Variants in RFTN1 observed in about 807,000 individuals in gnomAD.
The protein encoded by RFTN1 is raftlin, lipid raft linker 1, also known as raftlin.
Under a neutral mutation model 46.5 loss-of-function variants are expected in RFTN1, and 26 were observed. That is an observed-to-expected ratio of 0.56 (90% CI 0.41 to 0.78). The LOEUF is 0.78. Among genes scored for constraint, RFTN1 ranks in the 30% least tolerant of loss-of-function variants. The pLI is 0.00. For synonymous variants in RFTN1, 261 were observed against 284.2 expected (o/e 0.92, Z 0.82); for missense variants, 693 against 718.7 (o/e 0.96, Z 0.41).
chr3:16,405,405 A>C (rs1482561084), intron 4 of RFTN1, among the ~76,000 whole-genome samples: 1 of 152,228 alleles, frequency 6.6e-6, no homozygotes, highest in African/African-American at 2.4e-5. Context: ...GATGGAACAC[A>C]GCAGGACACA....
intron 6 of RFTN1, among the ~76,000 whole-genome samples, chr3:16,363,588 A>T (rs2072963848): frequency 6.6e-6 from 1 of 152,272 alleles, no homozygotes; most frequent in South Asian, 2.1e-4. Flanking sequence ...AAGACTGTCT[A>T]TATCAAGCTA....
intron 2 of RFTN1, among the ~76,000 whole-genome samples, chr3:16,464,028 T>C (rs953195167): frequency 1.1e-4 from 16 of 152,208 alleles, no homozygotes; most frequent in African/African-American, 3.9e-4. Flanking sequence ...TAAATCCTTA[T>C]TGTCTCAGCA....
Position 16,474,621 on chromosome 3 carries a change from C to A in RFTN1, c.145+19104G>T, listed in dbSNP as rs2076252879. Among the ~76,000 whole-genome samples the A allele has an allele frequency of 6.6e-6, 1 of 152,196 alleles. No individual in the cohort carries two copies. Among genetic ancestry groups the A allele is most frequent in the Non-Finnish European group, 1.5e-5 (1 of 68,036 alleles). ...GAGAGGTGAAGAAAAAAAAAATAGG[C>A]TCCCCTCCAATGCAATTTTTAAACC... On this transcript the variant is annotated intron_variant, in intron 2 of 9. Coordinates refer to ENST00000334133, the MANE Select transcript of RFTN1 (RefSeq NM_015150.2). The surrounding 1 kb of genome is among the most constrained non-coding windows in gnomAD (Gnocchi z 5.5).
rs866973801 is a variant in RFTN1, at chr3:16,404,336, A to T, written c.441+5039T>A. ...TATTATATATAATATATAATATATA[A>T]TATATATAATATATAATATATATAC... On this transcript the variant is annotated intron_variant, in intron 4 of 9. Coordinates refer to ENST00000334133, the MANE Select transcript of RFTN1 (RefSeq NM_015150.2). 2.8e-4 allele frequency among the ~76,000 whole-genome samples: 9 copies of T among 32,270 alleles called. 1 individual carries two copies. The highest frequency in any genetic ancestry group is 0.011 in the Middle Eastern group (1 of 90). The allele number at this position is 32,270 out of a possible 152,430, so 21.2% of individuals were successfully genotyped here. A position where few individuals can be genotyped will look rare whatever the true frequency, so the allele number is the denominator to read the frequency against.
chr3:16,473,402 C>CT lies in RFTN1; in HGVS notation c.145+20322dup, dbSNP rs5846924. Among the ~76,000 whole-genome samples the CT allele has an allele frequency of 0.099, 14,263 of 144,554 alleles. 1,101 individuals are homozygous for CT. Among genetic ancestry groups the CT allele is most frequent in the East Asian group, 0.21 (1,056 of 4,976 alleles). The allele number at this position is 144,554 out of a possible 152,430, so 94.8% of individuals were successfully genotyped here. A position where few individuals can be genotyped will look rare whatever the true frequency, so the allele number is the denominator to read the frequency against. On this transcript the variant is annotated intron_variant, in intron 2 of 9. Coordinates refer to ENST00000334133, the MANE Select transcript of RFTN1 (RefSeq NM_015150.2). This position sits in a 1 kb window ranked among gnomAD's most constrained non-coding sequence, Gnocchi z 5.3. ...AAATACTCTGTTTTCTTTCTTTTTT[C>CT]TTTTTTTTTTTTTCCTGAGATAGAG... is the stretch of plus-strand genomic sequence containing the variant.
rs906218960 is a variant in RFTN1 at position 16,342,283 on chromosome 3, G to T, written c.1147-15407C>A. Among the ~76,000 whole-genome samples the T allele has an allele frequency of 5.9e-5, 9 of 152,048 alleles. No individual in the cohort carries two copies. The highest frequency in any genetic ancestry group is 2.2e-4 in the African/African-American group (9 of 41,378). On this transcript the variant is annotated intron_variant, in intron 7 of 9. Transcript: ENST00000334133. This position sits in a 1 kb window ranked among gnomAD's most constrained non-coding sequence, Gnocchi z 4.0. ...CTCACCTGGATATTTCATATAAATG[G>T]ATTCATATAATATGTGGTCTTTTGC...
chr3:16,503,126 C>T (rs1375140933), intron 1 of RFTN1, among the ~76,000 whole-genome samples: 4 of 152,198 alleles, frequency 2.6e-5, no homozygotes, highest in South Asian at 4.1e-4. Context: ...CCATCTCAGT[C>T]TGTCTCAGGA....
chr3:16,335,227 G>C lies in RFTN1; in HGVS notation c.1147-8351C>G, dbSNP rs1337320462. Among the ~76,000 whole-genome samples, 2 of 152,208 alleles carry C rather than the reference G, an allele frequency of 1.3e-5. No individual in the cohort carries two copies. The highest frequency in any genetic ancestry group is 3.2e-3 in the Middle Eastern group (1 of 316). On this transcript the variant is annotated intron_variant, in intron 7 of 9. Transcript: ENST00000334133. The surrounding 1 kb of genome is among the most constrained non-coding windows in gnomAD (Gnocchi z 4.7). ...GGGATGGGGATAAACACTTGGAGGT[G>C]CTGACAGATGCAGGGTAGGTGAAAA...
chr3:16,461,057 G>A (rs566631973), intron 2 of RFTN1, among the ~76,000 whole-genome samples: 28 of 152,376 alleles, frequency 1.8e-4, no homozygotes, highest in Middle Eastern at 6.8e-3. Flanking sequence ...ATATGGGCCA[G>A]TGCCAGGAAT....
chr3:16,366,540 G>A (rs1042769378), intron 6 of RFTN1, among the ~76,000 whole-genome samples: 4 of 152,080 alleles, frequency 2.6e-5, no homozygotes, highest in Non-Finnish European at 5.9e-5. Flanking sequence ...AGTCCCGCTG[G>A]GGGCCACAAC....
Position 16,473,453 on chromosome 3 carries a change from T to G in RFTN1, c.145+20272A>C, listed in dbSNP as rs1200552308. On this transcript the variant is annotated intron_variant, in intron 2 of 9. Transcript: ENST00000334133. The surrounding 1 kb of genome is among the most constrained non-coding windows in gnomAD (Gnocchi z 5.3). The stretch of plus-strand genomic sequence containing the variant: ...TCTGGCTCTGTCGCCAAGGCTGGAG[T>G]GCAGTGGTGTGATCTCGGCTCACTG... Among the ~76,000 whole-genome samples, 2 of 151,472 alleles carry G rather than the reference T, an allele frequency of 1.3e-5. No homozygotes were observed. The highest frequency in any genetic ancestry group is 2.9e-5 in the Non-Finnish European group (2 of 67,880).
chr3:16,343,464 C>T (rs564907057), intron 7 of RFTN1, among the ~76,000 whole-genome samples: 7 of 152,344 alleles, frequency 4.6e-5, no homozygotes, highest in African/African-American at 1.7e-4. Context: ...CCAAGATAAA[C>T]ATGTCCAATT....
chr3:16,501,316 A>G (rs1404808821), intron 1 of RFTN1, among the ~76,000 whole-genome samples: 2 of 152,194 alleles, frequency 1.3e-5, no homozygotes, highest in Non-Finnish European at 2.9e-5. Flanking sequence ...GATGCCCATA[A>G]AAAGACTGGA....
At chr3:16,477,035 C>A (rs2076293301) in intron 2 of RFTN1, among the ~76,000 whole-genome samples, 1 of 152,138 alleles carries the variant, frequency 6.6e-6, no homozygotes, top group Non-Finnish European at 1.5e-5. Flanking sequence ...ATCCATAAAG[C>A]AGGGGCTGAA....
At position 16,460,660 on chromosome 3, in the gene RFTN1, T is replaced by C. The variant is rs535083507; in HGVS notation, c.146-26623A>G. Among the ~76,000 whole-genome samples the C allele has an allele frequency of 1.3e-5, 2 of 152,308 alleles. No homozygotes were observed. The highest frequency in any genetic ancestry group is 1.9e-4 in the East Asian group (1 of 5,190). On this transcript the variant is annotated intron_variant, in intron 2 of 9. Transcript: ENST00000334133. The surrounding 1 kb of genome is among the most constrained non-coding windows in gnomAD (Gnocchi z 4.8). ...TTTTTTGGTGAGGGTAGAAATATCATGTAAGAGGCCTGTTATACAGATAAC... is the reference window on the plus strand; with the variant it reads ...TTTTTTGGTGAGGGTAGAAATATCACGTAAGAGGCCTGTTATACAGATAAC...
rs780107392 is a variant in RFTN1 at position 16,382,309 on chromosome 3, G to A, written c.442-4207C>T. Among the ~76,000 whole-genome samples, 2 of 152,148 alleles carry A rather than the reference G, an allele frequency of 1.3e-5. No homozygotes were observed. Among genetic ancestry groups the A allele is most frequent in the East Asian group, 1.9e-4 (1 of 5,202 alleles). ...ATATTTGGCTAGATCTAGGGGCCAC[G>A]ACTCTTACAGTTCTGTCTTACCCTA... On this transcript the variant is annotated intron_variant, in intron 4 of 9. Transcript: ENST00000334133. This position sits in a 1 kb window ranked among gnomAD's most constrained non-coding sequence, Gnocchi z 4.7.
rs1273568342 is a variant in RFTN1 at position 16,452,042 on chromosome 3, G to A, written c.146-18005C>T. On this transcript the variant is annotated intron_variant, in intron 2 of 9. Coordinates refer to ENST00000334133, the MANE Select transcript of RFTN1 (RefSeq NM_015150.2). This position sits in a 1 kb window ranked among gnomAD's most constrained non-coding sequence, Gnocchi z 6.3. ...TGCACAGGACAAATAGATGATCCAC[G>A]TCCTGGGCGGAATAGAGCAGGATGG... Among the ~76,000 whole-genome samples, 2 of 152,174 alleles carry A rather than the reference G, an allele frequency of 1.3e-5. No homozygotes were observed. Among genetic ancestry groups the A allele is most frequent in the African/African-American group, 4.8e-5 (2 of 41,442 alleles).
rs979299041 is a variant in RFTN1, at chr3:16,433,574, T to C, written c.332+277A>G. On this transcript the variant is annotated intron_variant, in intron 3 of 9. Transcript: ENST00000334133. The surrounding 1 kb of genome is among the most constrained non-coding windows in gnomAD (Gnocchi z 4.4). The stretch of plus-strand genomic sequence containing the variant: ...GGCATATGCTTCTTCTGAGGAGACA[T>C]TTTTCTAGCTGAGTTTAATCCAGTG... 1.6e-4 allele frequency among the ~76,000 whole-genome samples: 25 copies of C among 152,204 alleles called. No homozygotes were observed. Among genetic ancestry groups the C allele is most frequent in the African/African-American group, 5.1e-4 (21 of 41,444 alleles).
chr3:16,423,357 C>G (rs1403466290), intron 3 of RFTN1, among the ~76,000 whole-genome samples: 1 of 152,102 alleles, frequency 6.6e-6, no homozygotes, highest in Admixed American at 6.5e-5. Context: ...CTACAATGTA[C>G]AGGACAGTCC....
Sources: allele counts gnomAD v4.1 joint callset (sites outside exome capture counted in the v4.1 genomes callset), GRCh38; gene constraint gnomAD v4.1.1; non-coding constraint Gnocchi (gnomAD v3.1); transcripts MANE v1.5; gene names NCBI Gene and HGNC (gene_info 2026-07-23, HGNC 2026-07-21).